SYNPR: variants seen among roughly 807,000 people sequenced by gnomAD.
SYNPR encodes synaptoporin.
In SYNPR, 23 loss-of-function variants were observed where a neutral mutation model predicts 32.9. The observed-to-expected ratio is 0.70, with a 90% CI of 0.50 to 0.99. The LOEUF (loss-of-function observed/expected upper bound fraction) is 0.99. Ranked by LOEUF, SYNPR falls within the 50% of genes least tolerant of loss-of-function variation. SYNPR has a pLI of 0.00. For missense variants in SYNPR, 318 were observed against 349.3 expected (o/e 0.91, Z 0.71); for synonymous variants, 146 against 135.9 (o/e 1.07, Z -0.52).
At chr3:63,208,900 T>A in the SYNPR span, among the ~76,000 whole-genome samples, 2 of 152,218 alleles carry the variant, frequency 1.3e-5, no homozygotes, top group East Asian at 3.8e-4. Flanking sequence ...TTTTACAATG[T>A]ACTACTTCCC....
intron 2 of SYNPR, chr3:63,445,528 C>G (rs748574229): frequency 2.9e-6 from 2 of 699,538 alleles, no homozygotes; most frequent in South Asian, 3.0e-5. Context: ...ATAATCAGCT[C>G]CTCTCTTCTT....
At chr3:63,405,757 A>G (rs923958998) in intron 2 of SYNPR, among the ~76,000 whole-genome samples, 6 of 152,232 alleles carry the variant, frequency 3.9e-5, no homozygotes, top group African/African-American at 1.4e-4. Context: ...GGCATGTGCC[A>G]GAGGATAGAA....
In SYNPR at chr3:63,449,326, A is replaced by G. The variant is rs1036968975; in HGVS notation, c.85-31506A>G. 2.6e-5 allele frequency among the ~76,000 whole-genome samples: 4 copies of G among 152,142 alleles called. No homozygotes were observed. The East Asian group carries it at 5.8e-4, about 22-fold the overall frequency. ...CAAGTACACTACTAGATGCTAGGGCACAGAAATAAACAAGATACACTAGTT... is the reference window on the plus strand; with the variant it reads ...CAAGTACACTACTAGATGCTAGGGCGCAGAAATAAACAAGATACACTAGTT... On this transcript the variant is annotated intron_variant, in intron 2 of 5. Transcript: ENST00000478300.
intron 2 of SYNPR, chr3:63,289,442 A>C (rs2086717544): frequency 1.8e-5 from 3 of 164,106 alleles, no homozygotes. Context: ...CACTCATGGC[A>C]GAAGGCAGAG....
intron 2 of SYNPR, among the ~76,000 whole-genome samples, chr3:63,429,781 T>C (rs1575639484): frequency 1.3e-5 from 2 of 152,226 alleles, no homozygotes; most frequent in Admixed American, 6.5e-5. Flanking sequence ...GAGAATGCCA[T>C]GCTTTCAAGT....
intron 2 of SYNPR, among the ~76,000 whole-genome samples, chr3:63,469,189 A>G (rs1232102895): frequency 2.0e-5 from 3 of 152,174 alleles, no homozygotes; most frequent in Non-Finnish European, 4.4e-5. Flanking sequence ...GGCCTATTCT[A>G]AAGTATAAGG....
At chr3:63,534,440 T>C (rs186709552) in intron 3 of SYNPR, among the ~76,000 whole-genome samples, 28 of 152,288 alleles carry the variant, frequency 1.8e-4, no homozygotes, top group African/African-American at 6.0e-4. Flanking sequence ...AATTAACACA[T>C]AAAAGTCACA....
intron 3 of SYNPR, chr3:63,545,542 T>C (rs1362542793): frequency 6.6e-6 from 1 of 152,052 alleles, no homozygotes; most frequent in Non-Finnish European, 1.5e-5. Flanking sequence ...GAACCTTCAC[T>C]ACCTAACATA....
At chr3:63,453,260 G>T (rs1700413453) in intron 2 of SYNPR, among the ~76,000 whole-genome samples, 1 of 152,066 alleles carries the variant, frequency 6.6e-6, no homozygotes, top group Non-Finnish European at 1.5e-5. Flanking sequence ...CAGTGGAAAT[G>T]ACCTCAGCTC....
At chr3:63,420,726 A>G (rs902303970) in intron 2 of SYNPR, among the ~76,000 whole-genome samples, 3 of 152,200 alleles carry the variant, frequency 2.0e-5, no homozygotes, top group African/African-American at 7.2e-5. Flanking sequence ...ATGACGAAGG[A>G]TATCAAACAA....
At chr3:63,508,689 T>C (rs1195265366) in intron 3 of SYNPR, among the ~76,000 whole-genome samples, 1 of 152,024 alleles carries the variant, frequency 6.6e-6, no homozygotes, top group Non-Finnish European at 1.5e-5. Flanking sequence ...TTGTGACCAA[T>C]CACATGGCCT....
At chr3:63,461,200 T>C (rs567966603) in intron 2 of SYNPR, among the ~76,000 whole-genome samples, 5 of 152,248 alleles carry the variant, frequency 3.3e-5, no homozygotes, top group African/African-American at 7.2e-5. Flanking sequence ...GAAATTCTCA[T>C]AGTACATGAT....
At position 63,280,735 on chromosome 3, in the gene SYNPR, T is replaced by TGC. The variant is rs1316318447; in HGVS notation, c.84+1994_84+1995insCG. 7.2e-5 allele frequency among the ~76,000 whole-genome samples: 11 copies of TGC among 151,974 alleles called. No homozygotes were observed. In the South Asian group the frequency reaches 2.1e-3, roughly 29 times the overall value. On this transcript the variant is annotated intron_variant, in intron 2 of 5. Coordinates refer to ENST00000478300, the MANE Select transcript of SYNPR (RefSeq NM_001130003.2). ...CCCCCTTGGGGGAGGGGTGTGTGTG[T>TGC]GTGTGTGTGTGCACAGGTGATGTGT...
chr3:63,247,747 A>G (rs778659852), intron 1 of SYNPR, among the ~76,000 whole-genome samples: 5 of 152,136 alleles, frequency 3.3e-5, no homozygotes, highest in Non-Finnish European at 7.4e-5. Context: ...CTCTTAAGGG[A>G]AAGGCATTTT....
At chr3:63,321,073 A>G (rs1444083270) in intron 2 of SYNPR, among the ~76,000 whole-genome samples, 2 of 152,080 alleles carry the variant, frequency 1.3e-5, no homozygotes, top group Non-Finnish European at 2.9e-5. Context: ...GTCATTCTTA[A>G]CCTAGGGCAG....
At chr3:63,601,551 C>G (rs77261281) in intron 4 of SYNPR, among the ~76,000 whole-genome samples, 4 of 152,030 alleles carry the variant, frequency 2.6e-5, no homozygotes, top group African/African-American at 9.7e-5. Context: ...CTTGTGTCCA[C>G]GTGTACTTTA....
At chr3:63,392,604 T>A (rs577672873) in intron 2 of SYNPR, among the ~76,000 whole-genome samples, 83 of 152,290 alleles carry the variant, frequency 5.5e-4, no homozygotes, top group African/African-American at 1.9e-3. Flanking sequence ...GAAAGCAGTA[T>A]TGTCATTATC....
At chr3:63,533,010 G>A (rs770969505) in intron 3 of SYNPR, among the ~76,000 whole-genome samples, 2 of 152,028 alleles carry the variant, frequency 1.3e-5, no homozygotes, top group South Asian at 2.1e-4. Context: ...TTAATCTCTC[G>A]CCTTTGTGTT....
intron 3 of SYNPR, among the ~76,000 whole-genome samples, chr3:63,506,455 C>T (rs747606719): frequency 6.6e-6 from 1 of 152,024 alleles, no homozygotes; most frequent in Non-Finnish European, 1.5e-5. Context: ...GCCAGTGATC[C>T]CCAAAGTGAT....
Sources: gnomAD v4.1 joint callset for allele counts (sites outside exome capture counted in the v4.1 genomes callset) on GRCh38, gnomAD v4.1.1 for gene constraint, MANE v1.5 for transcripts, NCBI Gene and HGNC (gene_info 2026-07-23, HGNC 2026-07-21) for gene names.